Variants in DLGAP2 observed in about 807,000 individuals in gnomAD.
The protein encoded by DLGAP2 is DLG associated protein 2, also known as disks large-associated protein 2.
DLGAP2 carries 26 observed loss-of-function variants against 100.3 expected under a neutral mutation model. The observed-to-expected ratio is 0.26, with a 90% CI of 0.19 to 0.36. The LOEUF (loss-of-function observed/expected upper bound fraction) is 0.36. DLGAP2 is among the 10% of genes least tolerant of loss of function. The pLI, the probability that DLGAP2 is intolerant of heterozygous loss-of-function variation, is 1.00. For synonymous variants in DLGAP2, 886 were observed against 630.1 expected (o/e 1.41, Z -6.08); for missense variants, 1,858 against 1,453.2 (o/e 1.28, Z -4.53).
intron 1 of DLGAP2, among the ~76,000 whole-genome samples, chr8:740,650 A>C (rs1820460303): frequency 6.6e-6 from 1 of 152,228 alleles, no homozygotes; most frequent in Non-Finnish European, 1.5e-5. Context: ...AAAGTGCTCT[A>C]ATATCTTTTT....
intron 2 of DLGAP2, among the ~76,000 whole-genome samples, chr8:1,231,937 A>G (rs371118984): frequency 4.6e-5 from 7 of 152,286 alleles, no homozygotes; most frequent in Admixed American, 3.9e-4. Context: ...CTGCACATGT[A>G]CCCCTGAATG....
chr8:902,832 C>T (rs1365611275), intron 1 of DLGAP2, among the ~76,000 whole-genome samples: 57 of 30,800 alleles, frequency 1.9e-3, no homozygotes, highest in Admixed American at 6.9e-3. Flanking sequence ...GGGCCGCCGG[C>T]GTGGAAAGTG....
At chr8:1,291,234 A>G (rs796605807) in intron 3 of DLGAP2, among the ~76,000 whole-genome samples, 3 of 152,340 alleles carry the variant, frequency 2.0e-5, no homozygotes, top group African/African-American at 7.2e-5. Flanking sequence ...CACAGAATGG[A>G]TGGAAAATCA....
rs1344277674 is a variant in DLGAP2, at chr8:1,125,873, G to A, written c.74-132978G>A. ...GGTGGGGAGGTGGAAATGCGGGGAG[G>A]CAGAAAGGCAGGGAGGACTGTGGGA... On this transcript the variant is annotated intron_variant, in intron 2 of 14. Coordinates refer to ENST00000637795, the MANE Select transcript of DLGAP2 (RefSeq NM_001346810.2). Among the ~76,000 whole-genome samples, 3 of 152,220 alleles carry A rather than the reference G, an allele frequency of 2.0e-5. No homozygotes were observed. In the East Asian group the frequency reaches 5.8e-4, roughly 29 times the overall value.
At chr8:1,348,571 G>T (rs1363858305) in intron 3 of DLGAP2, among the ~76,000 whole-genome samples, 1 of 151,086 alleles carries the variant, frequency 6.6e-6, no homozygotes, top group South Asian at 2.1e-4. Context: ...GTAGCTATGT[G>T]GAGGTTGAGT....
At chr8:744,981 GC>G (rs1157943945) in intron 1 of DLGAP2, among the ~76,000 whole-genome samples, 3 of 152,224 alleles carry the variant, frequency 2.0e-5, no homozygotes, top group East Asian at 3.9e-4. Flanking sequence ...GGAAGGGGTA[GC>G]CCAGGCCATC....
chr8:1,519,904 A>G (rs766945635), intron 4 of DLGAP2, among the ~76,000 whole-genome samples: 1 of 152,180 alleles, frequency 6.6e-6, no homozygotes, highest in Non-Finnish European at 1.5e-5. Flanking sequence ...CCTAGACCAA[A>G]GGGGCGTGGC....
chr8:1,540,701 C>T (rs1051007005), intron 4 of DLGAP2, among the ~76,000 whole-genome samples: 3 of 152,224 alleles, frequency 2.0e-5, no homozygotes, highest in Non-Finnish European at 4.4e-5. Context: ...GGCATCACTG[C>T]GGACAGAGCC....
At chr8:1,062,989 T>C (rs1803132337) in intron 2 of DLGAP2, among the ~76,000 whole-genome samples, 1 of 152,190 alleles carries the variant, frequency 6.6e-6, no homozygotes, top group Admixed American at 6.5e-5. Context: ...CAGTACTCCT[T>C]TGGGAATGAG....
chr8:1,523,279 G>A (rs1800672619), intron 4 of DLGAP2, among the ~76,000 whole-genome samples: 1 of 152,232 alleles, frequency 6.6e-6, no homozygotes, highest in Non-Finnish European at 1.5e-5. Context: ...TTCTGCTGGG[G>A]CGCAGGATGT....
At chr8:1,554,301 T>A (rs12334568) in intron 5 of DLGAP2, among the ~76,000 whole-genome samples, 25 of 104,882 alleles carry the variant, frequency 2.4e-4, no homozygotes, top group South Asian at 8.4e-4. Flanking sequence ...ATAAATAAAT[T>A]AATTAAATAA....
chr8:1,106,214 A>AT (rs1031368885), intron 2 of DLGAP2, among the ~76,000 whole-genome samples: 4 of 92,486 alleles, frequency 4.3e-5, no homozygotes, highest in African/African-American at 1.7e-4. Context: ...TTCTAGGAGG[A>AT]TTTTGTATTG....
At chr8:1,512,338 C>T (rs1260421587) in intron 4 of DLGAP2, among the ~76,000 whole-genome samples, 1 of 152,224 alleles carries the variant, frequency 6.6e-6, no homozygotes, top group Non-Finnish European at 1.5e-5. Flanking sequence ...TTGTTTATTT[C>T]ACACGGTTTC....
Position 1,579,977 on chromosome 8 carries a change from C to A in DLGAP2, c.1442+14083C>A, listed in dbSNP as rs527706439. On this transcript the variant is annotated intron_variant, in intron 6 of 14. Coordinates refer to ENST00000637795, the MANE Select transcript of DLGAP2 (RefSeq NM_001346810.2). ...ACGACTCAGCCAGCTCTGCACCTGACCTGATGGCCTCAACACCTCCACCGA... is the reference window on the plus strand; with the variant it reads ...ACGACTCAGCCAGCTCTGCACCTGAACTGATGGCCTCAACACCTCCACCGA... 2.0e-5 allele frequency among the ~76,000 whole-genome samples: 3 copies of A among 152,286 alleles called. No individual in the cohort carries two copies. The South Asian group carries it at 6.2e-4, about 32-fold the overall frequency.
chr8:1,172,960 C>G (rs189105399), intron 2 of DLGAP2, among the ~76,000 whole-genome samples: 2 of 152,170 alleles, frequency 1.3e-5, no homozygotes, highest in Non-Finnish European at 2.9e-5. Context: ...AGGTGCTCTG[C>G]TTTTTAGAGT....
chr8:858,197 C>T (rs976798393), intron 1 of DLGAP2, among the ~76,000 whole-genome samples: 1 of 152,198 alleles, frequency 6.6e-6, no homozygotes, highest in Admixed American at 6.5e-5. Flanking sequence ...ACCAACGTGC[C>T]TTTAAAAGAT....
At chr8:1,670,633 T>C (rs962898303) in intron 10 of DLGAP2, among the ~76,000 whole-genome samples, 2 of 152,038 alleles carry the variant, frequency 1.3e-5, no homozygotes, top group Admixed American at 1.3e-4. Context: ...TGGGTGAGGA[T>C]GGATGCAAAG....
intron 2 of DLGAP2, among the ~76,000 whole-genome samples, chr8:1,013,315 C>G: frequency 6.6e-6 from 1 of 152,054 alleles, no homozygotes; most frequent in East Asian, 1.9e-4. Context: ...TTGAGCATCT[C>G]GTAGGTTGAT....
intron 3 of DLGAP2, among the ~76,000 whole-genome samples, chr8:1,472,722 C>A (rs558941551): frequency 2.6e-5 from 4 of 152,260 alleles, no homozygotes; most frequent in South Asian, 2.1e-4. Flanking sequence ...AGAAAGTTAA[C>A]CCTATCATGA....
Sources: allele counts gnomAD v4.1 joint callset (sites outside exome capture counted in the v4.1 genomes callset), GRCh38; gene constraint gnomAD v4.1.1; transcripts MANE v1.5; gene names NCBI Gene and HGNC (gene_info 2026-07-23, HGNC 2026-07-21).